The following METTL25B variants were observed in gnomAD, a reference collection of about 807,000 sequenced individuals.
METTL25B encodes methyltransferase like 25B.
A neutral mutation model predicts 48.4 loss-of-function variants in METTL25B; 38 were observed. That is an observed-to-expected ratio of 0.78 (90% CI 0.61 to 1.03). The LOEUF is 1.03. METTL25B is among the 50% of genes least tolerant of loss of function. The pLI, the probability that METTL25B is intolerant of heterozygous loss-of-function variation, is 0.00. For synonymous variants in METTL25B, 230 were observed against 254.5 expected, an observed-to-expected ratio of 0.90 and a Z score of 0.92; for missense variants, 537 against 603.7, an observed-to-expected ratio of 0.89 and a Z score of 1.16.
rs759685694 is a variant in METTL25B at position 156,734,430 on chromosome 1, G to T, written c.1058G>T (p.Arg353Leu). The part of the protein sequence containing the change: ...AALETVIRRA[R>L]PELRRPGVQG... ...CTGGAGACAGTCATCCGACGGGCCCGGCCCGAGCTCCGTCGGCCAGGCGTG... is the reference window on the plus strand; with the variant it reads ...CTGGAGACAGTCATCCGACGGGCCCTGCCCGAGCTCCGTCGGCCAGGCGTG... Residue 353 changes from arginine (R) to leucine (L), a missense_variant, in exon 6 of 8, where the codon CGG (arginine) becomes CTG (leucine). By Grantham distance (102) the Arg-to-Leu change is moderately radical (BLOSUM62 -2). Coordinates refer to ENST00000368216, the MANE Select transcript of METTL25B (RefSeq NM_015997.4). 6.2e-7 allele frequency: 1 copy of T among 1,608,078 alleles called. No homozygotes were observed. Among genetic ancestry groups the T allele is most frequent in the Admixed American group, 1.7e-5 (1 of 59,156 alleles).
At chr1:156,732,567 A>G in intron 3 of METTL25B, 94 bp downstream of exon 3, 1 of 1,146,892 alleles carries the variant, frequency 8.7e-7, no homozygotes, top group Non-Finnish European at 1.2e-6. Flanking sequence ...CTCACATGCA[A>G]GGCCAGAGGC....
At position 156,728,663 on chromosome 1, in the gene METTL25B, A is replaced by T. The variant is rs938103367; in HGVS notation, c.-442A>T. 9.0e-5 allele frequency: 89 copies of T among 987,076 alleles called. No individual in the cohort carries two copies. The highest frequency in any genetic ancestry group is 1.0e-4 in the Non-Finnish European group (87 of 830,664). 61.1% of individuals were successfully genotyped at this position (987,076 alleles called of 1,614,324 possible). On this transcript the variant is annotated 5_prime_UTR_variant, in exon 1 of 8. Coordinates refer to ENST00000368216, the MANE Select transcript of METTL25B (RefSeq NM_015997.4). ...GCGGGATGCGCTCCCCGGCCCCTCT[A>T]GCCCCGTGGTGGTACAACGCGAAGG...
At chr1:156,733,130 C>CA in intron 4 of METTL25B, 83 bp downstream of exon 4, 1 of 1,351,578 alleles carries the variant, frequency 7.4e-7, no homozygotes, top group Non-Finnish European at 1.0e-6. Flanking sequence ...GCCACAGGCC[C>CA]AGCGAGGCAG....
At chr1:156,732,854 C>A in intron 3 of METTL25B, 131 bp from the exon 4 acceptor site, 1 of 773,392 alleles carries the variant, frequency 1.3e-6, no homozygotes, top group Non-Finnish European at 2.2e-6. Flanking sequence ...CTTTCCAAAT[C>A]TGTCTTCACA....
At chr1:156,734,867 A>T (rs1649619562) in intron 6 of METTL25B, among the ~76,000 whole-genome samples, 1 of 151,024 alleles carries the variant, frequency 6.6e-6, no homozygotes, top group African/African-American at 2.4e-5. Context: ...TTCTACCCTC[A>T]CTTTCAGCAT....
intron 7 of METTL25B, 78 bp downstream of exon 7, chr1:156,735,987 A>G (rs1649757222): frequency 1.5e-6 from 2 of 1,290,792 alleles, no homozygotes; most frequent in Non-Finnish European, 2.2e-6. Context: ...TCCCAGCCCC[A>G]ACATCTTCTG....
intron 1 of METTL25B, among the ~76,000 whole-genome samples, chr1:156,731,381 C>T (rs1048434344): frequency 6.6e-6 from 1 of 152,130 alleles, no homozygotes; most frequent in Non-Finnish European, 1.5e-5. Context: ...GCCTTGGTCT[C>T]CCAAAGTGCT....
At position 156,730,752 on chromosome 1, in the gene METTL25B, C is replaced by T. The variant is rs991840942; in HGVS notation, c.112-1239C>T. ...ATCTCTAAAAATAAATAAATAATCC[C>T]AGCTCAGCTATTTGCTAGCTTTTGG... On this transcript the variant is annotated intron_variant, in intron 1 of 7. Coordinates refer to ENST00000368216, the MANE Select transcript of METTL25B (RefSeq NM_015997.4). 7.2e-5 allele frequency among the ~76,000 whole-genome samples: 11 copies of T among 152,050 alleles called. No individual in the cohort carries two copies. In the South Asian group the frequency reaches 1.0e-3, roughly 14 times the overall value.
rs1649858044 is a variant in METTL25B, at chr1:156,736,815, G to C, written c.*62G>C. On this transcript the variant is annotated 3_prime_UTR_variant, in exon 8 of 8. Transcript: ENST00000368216. ...AAAGTGCCCAGAGAGCACAGTGGCA[G>C]AGTACATCTCATCCAGAGAAACAGC... 1.3e-6 allele frequency: 2 copies of C among 1,529,028 alleles called. No homozygotes were observed. Among genetic ancestry groups the C allele is most frequent in the Non-Finnish European group, 8.8e-7 (1 of 1,130,234 alleles). 94.7% of individuals were successfully genotyped at this position (1,529,028 alleles called of 1,614,324 possible). A position where few individuals can be genotyped will look rare whatever the true frequency, so the allele number is the denominator to read the frequency against.
intron 4 of METTL25B, 51 bp downstream of exon 4, chr1:156,733,098 C>T: frequency 1.3e-6 from 2 of 1,537,540 alleles, no homozygotes; most frequent in Non-Finnish European, 1.8e-6. Flanking sequence ...GGACATAGAA[C>T]ACCTGGAAGG....
Position 156,734,453 on chromosome 1 carries a change from G to A in METTL25B, c.1081G>A (p.Val361Met), listed in dbSNP as rs965092441. ...CCGGCCCGAGCTCCGTCGGCCAGGC[G>A]TGCAGGGTATCCCCAGGGTCCACGA... ...RARPELRRPG[V>M]QGIPRVHELK... The change falls in exon 6 of 8, where the codon GTG becomes ATG. Residue 361 changes from valine (V) to methionine (M), a missense_variant. Coordinates refer to ENST00000368216, the MANE Select transcript of METTL25B (RefSeq NM_015997.4). 6.2e-6 allele frequency: 10 copies of A among 1,602,394 alleles called. No individual in the cohort carries two copies. The highest frequency in any genetic ancestry group is 4.5e-5 in the South Asian group (4 of 89,550).
Position 156,734,017 on chromosome 1 carries a change from A to G in METTL25B, c.645A>G (p.Gln215=), listed in dbSNP as rs140470604. The G allele has an allele frequency of 1.2e-6, 2 of 1,600,116 alleles. No individual in the cohort carries two copies. The highest frequency in any genetic ancestry group is 1.7e-6 in the Non-Finnish European group (2 of 1,171,572). ...CTTTCCTGCTTCCACAGGTGGTCCA[A>G]ACCAGCCCTCGTCACTCCCCACACC... ...KEEKRNPQVV[Q]TSPRHSPHHV... is the part of the protein sequence containing the mutation. Residue 215 remains glutamine, a synonymous_variant, in exon 6 of 8, where the codon CAA becomes CAG. Coordinates refer to ENST00000368216, the MANE Select transcript of METTL25B (RefSeq NM_015997.4).
At chr1:156,736,537 C>T in intron 7 of METTL25B, 95 bp from the exon 8 acceptor site, 1 of 1,477,408 alleles carries the variant, frequency 6.8e-7, no homozygotes, top group Admixed American at 1.8e-5. Context: ...GGATCCTCCC[C>T]CATGGGGAAA....
chr1:156,729,014 A>C lies in METTL25B; in HGVS notation c.-91A>C, dbSNP rs562678322. ...TCTTCCTGTTCTGCCTGCAGAGTTG[A>C]GCCCCGTCCGGGTCCTGGACCCGCG... On this transcript the variant is annotated 5_prime_UTR_variant, in exon 1 of 8. Transcript: ENST00000368216. The C allele has an allele frequency of 8.9e-6, 6 of 673,040 alleles. No homozygotes were observed. The East Asian group carries it at 1.6e-4, about 18-fold the overall frequency. 41.7% of individuals were successfully genotyped at this position (673,040 alleles called of 1,614,324 possible). A position where few individuals can be genotyped will look rare whatever the true frequency, so the allele number is the denominator to read the frequency against.
chr1:156,732,248 T>C (rs1310417419), intron 2 of METTL25B, 33 bp from the exon 3 acceptor site: 1 of 1,612,028 alleles, frequency 6.2e-7, no homozygotes, highest in African/African-American at 1.3e-5. Context: ...GTGATGGGAC[T>C]ATTCACTGGA....
chr1:156,733,445 A>C lies in METTL25B; in HGVS notation c.561A>C (p.Arg187Ser). The change falls in exon 5 of 8, where the codon AGA becomes AGC. Residue 187 changes from arginine (R) to serine (S), a missense_variant. Coordinates refer to ENST00000368216, the MANE Select transcript of METTL25B (RefSeq NM_015997.4). ...LMVKSIEGDQ[R>S]LVERAQRLDQ... ...TGAAGAGCATCGAAGGGGATCAGAGACTGGTGGAGAGAGCCCAGCGCCTGG... is the reference window on the plus strand; with the variant it reads ...TGAAGAGCATCGAAGGGGATCAGAGCCTGGTGGAGAGAGCCCAGCGCCTGG... 1 of 1,613,934 alleles carries C rather than the reference A, an allele frequency of 6.2e-7. No individual in the cohort carries two copies. The highest frequency in any genetic ancestry group is 8.5e-7 in the Non-Finnish European group (1 of 1,179,936).
rs114002349 is a variant in METTL25B, at chr1:156,735,891, C to T, written c.1288C>T (p.Leu430=). 825 of 1,611,708 alleles carry T rather than the reference C, an allele frequency of 5.1e-4. 3 individuals are homozygous for T. In the African/African-American group the frequency reaches 9.9e-3, roughly 19 times the overall value. ...GACGCTTATTCTACTGGACCGGCTG[C>T]TGTACCTTCAGGAACAGGGTGAGGG... The part of the protein sequence containing the change: ...VETLILLDRL[L]YLQEQGFHAE... Residue 430 remains leucine (L), a synonymous_variant, in exon 7 of 8, where the codon CTG becomes TTG. Transcript: ENST00000368216.
Position 156,736,645 on chromosome 1 carries a change from GCTC to G in METTL25B, c.1323_1325del (p.Leu442del). 6.2e-7 allele frequency: 1 copy of G among 1,614,046 alleles called. No homozygotes were observed. Among genetic ancestry groups the G allele is most frequent in the Non-Finnish European group, 8.5e-7 (1 of 1,180,032 alleles). Reference sequence around the variant, plus strand: ...CCTTTCTCCCAGGTTTCCATGCTGAGCTCCTGCCCATCTTCAGTCCTGAACTCT... The same window carrying G: ...CCTTTCTCCCAGGTTTCCATGCTGAGCTGCCCATCTTCAGTCCTGAACTCT... On this transcript the variant is annotated inframe_deletion, in exon 8 of 8. Transcript: ENST00000368216.
chr1:156,733,023 G>C lies in METTL25B; in HGVS notation c.468G>C (p.Gln156His). 4 of 1,614,180 alleles carry C rather than the reference G, an allele frequency of 2.5e-6. No homozygotes were observed. The highest frequency in any genetic ancestry group is 3.4e-6 in the Non-Finnish European group (4 of 1,180,032). ...TGAGTGATTTCACAGGCTGCACCCA[G>C]GTTGTAGACGTGGGCTCAGGCCAGG... ...KKLSDFTGCT[Q>H]VVDVGSGQGH... The change falls in exon 4 of 8, where the codon CAG becomes CAC. Residue 156 changes from glutamine to histidine, a missense_variant. Physicochemically the swap from Gln to His is conservative, Grantham distance 24 (BLOSUM62 0). Transcript: ENST00000368216.
Sources: gnomAD v4.1 joint callset for allele counts (sites outside exome capture counted in the v4.1 genomes callset) on GRCh38, gnomAD v4.1.1 for gene constraint, MANE v1.5 for transcripts, NCBI Gene and HGNC (gene_info 2026-07-23, HGNC 2026-07-21) for gene names.